Variants in PLPP1 observed in about 807,000 individuals in gnomAD.
PLPP1 encodes lipid phosphate phosphohydrolase 1a.
PLPP1 carries 24 observed loss-of-function variants against 31.2 expected under a neutral mutation model. The observed-to-expected ratio is 0.77, with a 90% CI of 0.56 to 1.08. The LOEUF (loss-of-function observed/expected upper bound fraction) is 1.08, where lower values mean the gene tolerates loss of function less well. Ranked by LOEUF, PLPP1 falls within the 50% of genes least tolerant of loss-of-function variation. PLPP1 has a pLI of 0.00. For missense variants in PLPP1, 319 were observed against 342.7 expected (o/e 0.93, Z 0.55); for synonymous variants, 146 against 126.3 (o/e 1.16, Z -1.05).
At chr5:55,467,830 T>A in intron 3 of PLPP1, 39 bp downstream of exon 3, 1 of 1,552,274 alleles carries the variant, frequency 6.4e-7, no homozygotes. Context: ...ATTCCAAGAA[T>A]ATACAAGATT....
At chr5:55,521,268 G>A (rs1753660048) in intron 1 of PLPP1, among the ~76,000 whole-genome samples, 2 of 151,856 alleles carry the variant, frequency 1.3e-5, no homozygotes, top group African/African-American at 2.4e-5. Flanking sequence ...CAGGAAGATC[G>A]CTGGAATCCA....
chr5:55,443,177 TA>T (rs1178247543), intron 3 of PLPP1, among the ~76,000 whole-genome samples: 569 of 51,032 alleles, frequency 0.011, 22 homozygotes, highest in African/African-American at 0.039. Flanking sequence ...AAGGATTACT[TA>T]AAAAAAAAAA....
chr5:55,431,938 T>C (rs1422449217), intron 4 of PLPP1, among the ~76,000 whole-genome samples: 1 of 152,142 alleles, frequency 6.6e-6, no homozygotes, highest in African/African-American at 2.4e-5. Context: ...CAATCATCTA[T>C]TTGGAGATAG....
At chr5:55,525,398 C>T (rs1413742726) in intron 1 of PLPP1, among the ~76,000 whole-genome samples, 1 of 152,176 alleles carries the variant, frequency 6.6e-6, no homozygotes, top group East Asian at 1.9e-4. Context: ...AAATTTGAAT[C>T]CACAGTCCAT....
At chr5:55,510,217 A>G (rs998551979) in intron 1 of PLPP1, among the ~76,000 whole-genome samples, 1 of 152,260 alleles carries the variant, frequency 6.6e-6, no homozygotes, top group Non-Finnish European at 1.5e-5. Context: ...TTTACATCAC[A>G]GTACTTGGCA....
chr5:55,530,167 C>G (rs922747247), intron 1 of PLPP1: 2 of 1,298,852 alleles, frequency 1.5e-6, no homozygotes, highest in African/African-American at 2.9e-5. Context: ...CAGATGTTTA[C>G]TTGAAATGAT....
chr5:55,455,770 T>C (rs576150476), intron 3 of PLPP1, among the ~76,000 whole-genome samples: 1 of 152,330 alleles, frequency 6.6e-6, no homozygotes, highest in Non-Finnish European at 1.5e-5. Flanking sequence ...GTTCTCAAGC[T>C]GTGGTGCCAA....
chr5:55,440,047 C>T (rs1751587731), intron 4 of PLPP1, among the ~76,000 whole-genome samples: 1 of 152,198 alleles, frequency 6.6e-6, no homozygotes, highest in Non-Finnish European at 1.5e-5. Flanking sequence ...TATTCCCTCA[C>T]TTGTAAAACA....
chr5:55,515,331 T>C (rs771522952), intron 1 of PLPP1, among the ~76,000 whole-genome samples: 4 of 152,224 alleles, frequency 2.6e-5, no homozygotes, highest in African/African-American at 7.2e-5. Context: ...AGACTATTCA[T>C]GTTTCAGCTG....
At chr5:55,521,710 A>G (rs901794046) in intron 1 of PLPP1, among the ~76,000 whole-genome samples, 1 of 152,126 alleles carries the variant, frequency 6.6e-6, no homozygotes, top group Non-Finnish European at 1.5e-5. Flanking sequence ...ACCATAAGTA[A>G]TAAGCTAGTA....
chr5:55,432,794 A>G (rs1751389974), intron 4 of PLPP1, among the ~76,000 whole-genome samples: 1 of 62,720 alleles, frequency 1.6e-5, no homozygotes, highest in African/African-American at 5.0e-5. Flanking sequence ...ACATCCCTTC[A>G]TGATTTAAAA....
At chr5:55,521,840 T>C (rs1353995084) in intron 1 of PLPP1, among the ~76,000 whole-genome samples, 1 of 152,210 alleles carries the variant, frequency 6.6e-6, no homozygotes, top group Non-Finnish European at 1.5e-5. Flanking sequence ...TTTGTGATGA[T>C]TACATGAGTT....
At position 55,468,090 on chromosome 5, in the gene PLPP1, G is replaced by A; in HGVS notation, c.270C>T (p.Ile90=). ...AAATAGTGGCTATGTAGTTATTCCT[G>A]ATAAAGGAATTTGAGTGCAAAAGGT... ...YCNLLHSNSF[I]RNNYIATIYK... Residue 90 remains isoleucine, a synonymous_variant, in exon 3 of 6, where the codon ATC becomes ATT. Coordinates refer to ENST00000307259, the MANE Select transcript of PLPP1 (RefSeq NM_003711.4). The A allele has an allele frequency of 2.5e-6, 4 of 1,612,570 alleles. No individual in the cohort carries two copies. The highest frequency in any genetic ancestry group is 3.4e-6 in the Non-Finnish European group (4 of 1,178,932).
intron 1 of PLPP1, among the ~76,000 whole-genome samples, chr5:55,534,325 G>C (rs1181339719): frequency 6.6e-6 from 1 of 152,184 alleles, no homozygotes; most frequent in African/African-American, 2.4e-5. Context: ...ATGGAGCGCA[G>C]AGGCGTGAAC....
intron 1 of PLPP1, among the ~76,000 whole-genome samples, chr5:55,529,793 T>A (rs1454934392): frequency 2.0e-5 from 3 of 152,120 alleles, no homozygotes; most frequent in African/African-American, 7.2e-5. Context: ...TTTGCTACTG[T>A]GTGTTTAATG....
intron 1 of PLPP1, among the ~76,000 whole-genome samples, chr5:55,505,926 G>C (rs989316851): frequency 6.6e-6 from 1 of 152,114 alleles, no homozygotes; most frequent in Non-Finnish European, 1.5e-5. Flanking sequence ...GCATGATGGC[G>C]CATGCCTGTG....
At chr5:55,529,939 C>A (rs1037621363) in intron 1 of PLPP1, among the ~76,000 whole-genome samples, 6 of 152,192 alleles carry the variant, frequency 3.9e-5, no homozygotes, top group African/African-American at 1.2e-4. Context: ...AGTGAAACAT[C>A]TTTTACGCTT....
At chr5:55,451,888 C>T (rs1394481141) in intron 3 of PLPP1, among the ~76,000 whole-genome samples, 1 of 152,182 alleles carries the variant, frequency 6.6e-6, no homozygotes, top group African/African-American at 2.4e-5. Context: ...ACATTTCCTT[C>T]AGTATCCCAA....
At chr5:55,490,314 C>G (rs1046728908) in intron 1 of PLPP1, among the ~76,000 whole-genome samples, 1 of 151,812 alleles carries the variant, frequency 6.6e-6, no homozygotes, top group Non-Finnish European at 1.5e-5. Flanking sequence ...CCACGCCCGG[C>G]TAATTCTTTA....
Sources: allele counts gnomAD v4.1 joint callset (sites outside exome capture counted in the v4.1 genomes callset), GRCh38; gene constraint gnomAD v4.1.1; transcripts MANE v1.5; gene names NCBI Gene and HGNC (gene_info 2026-07-23, HGNC 2026-07-21).